The following ZGRF1 variants were observed in gnomAD, a reference collection of about 807,000 sequenced individuals.
ZGRF1 encodes 5'-3' DNA helicase ZGRF1.
In ZGRF1, 196 loss-of-function variants were observed where a neutral mutation model predicts 203.5. That is an observed-to-expected ratio of 0.96 (90% CI 0.86 to 1.08). The LOEUF (loss-of-function observed/expected upper bound fraction) is 1.08, where lower values mean the gene tolerates loss of function less well. Among genes scored for constraint, ZGRF1 ranks in the 50% least tolerant of loss-of-function variants. The pLI, the probability that ZGRF1 is intolerant of heterozygous loss-of-function variation, is 0.00. For missense variants in ZGRF1, 2,326 were observed against 2,416.3 expected (o/e 0.96, Z 0.78); for synonymous variants, 809 against 841.3 (o/e 0.96, Z 0.66).
At chr4:112,548,015 C>T (rs897405897) in intron 23 of ZGRF1, among the ~76,000 whole-genome samples, 2 of 152,048 alleles carry the variant, frequency 1.3e-5, no homozygotes, top group East Asian at 3.9e-4. Context: ...AATCCCTGCT[C>T]ACTGCAGCCT....
chr4:112,572,556 T>G (rs913131136), intron 16 of ZGRF1, among the ~76,000 whole-genome samples: 5 of 152,164 alleles, frequency 3.3e-5, no homozygotes, highest in Non-Finnish European at 7.4e-5. Context: ...GGAACTTAAT[T>G]AAACTATTAG....
Position 112,539,875 on chromosome 4 carries a change from G to A in ZGRF1, c.6160C>T (p.Gln2054Ter). The A allele has an allele frequency of 6.2e-7, 1 of 1,613,700 alleles. No individual in the cohort carries two copies. Residue 2054 changes from glutamine (Q) to a stop codon, truncating the protein, a stop_gained, in exon 27 of 28, where the codon CAA becomes TAA. Coordinates refer to ENST00000505019, the MANE Select transcript of ZGRF1 (RefSeq NM_018392.5). LOFTEE classifies it high-confidence loss of function. ...ATTTTTATTTTACCTTCGCAGTGTTGGATCACTCGTCCCCAAAGTTGATTT... is the reference window on the plus strand; with the variant it reads ...ATTTTTATTTTACCTTCGCAGTGTTAGATCACTCGTCCCCAAAGTTGATTT... ...RKNQLWGRVI[Q>*]HCEGREDGLQ...
rs1333796182 is a variant in ZGRF1 at position 112,586,492 on chromosome 4, A to G, written c.3869T>C (p.Phe1290Ser). The change falls in exon 13 of 28, where the codon TTT (phenylalanine) becomes TCT (serine). Residue 1290 changes from phenylalanine to serine, a missense_variant. By Grantham distance (155) the Phe-to-Ser change is radical. Transcript: ENST00000505019. Reference protein sequence around the residue: ...PQRQIHIPAVFQSPAHYKQTF... With the variant: ...PQRQIHIPAVSQSPAHYKQTF... ...CTGCTTATAATGAGCAGGAGACTGA[A>G]AAACAGCTGGTATGTGAATTTGCCT... is the stretch of plus-strand genomic sequence containing the variant. The G allele has an allele frequency of 1.2e-6, 2 of 1,613,248 alleles. No homozygotes were observed. The highest frequency in any genetic ancestry group is 1.7e-5 in the Admixed American group (1 of 59,908).
intron 16 of ZGRF1, among the ~76,000 whole-genome samples, chr4:112,566,649 GAATTA>G (rs1479149014): frequency 3.9e-5 from 6 of 152,084 alleles, no homozygotes; most frequent in Non-Finnish European, 8.8e-5. Flanking sequence ...CTAAGATGCT[GAATTA>G]GTATGATTGT....
intron 8 of ZGRF1, among the ~76,000 whole-genome samples, chr4:112,607,527 C>T (rs186870034): frequency 1.6e-4 from 24 of 152,338 alleles, no homozygotes; most frequent in Admixed American, 5.9e-4. Context: ...GTTAATTATA[C>T]TTTTAAAAAT....
intron 9 of ZGRF1, 140 bp downstream of exon 9, chr4:112,605,868 G>C: frequency 3.1e-6 from 2 of 640,182 alleles, no homozygotes; most frequent in East Asian, 5.5e-5. Flanking sequence ...AGTTTTTCTT[G>C]TTCTTAAAAC....
intron 24 of ZGRF1, among the ~76,000 whole-genome samples, chr4:112,543,367 G>C (rs182033500): frequency 6.6e-6 from 1 of 151,986 alleles, no homozygotes; most frequent in South Asian, 2.1e-4. Flanking sequence ...TGAAATTCTC[G>C]TAAATGGCAT....
intron 16 of ZGRF1, among the ~76,000 whole-genome samples, chr4:112,577,018 C>G (rs186193444): frequency 2.7e-5 from 4 of 150,244 alleles, no homozygotes; most frequent in African/African-American, 9.8e-5. Context: ...ATGTTAAGGG[C>G]GGCCAAAGAG....
chr4:112,587,076 T>G (rs1486155205), intron 12 of ZGRF1, among the ~76,000 whole-genome samples: 1 of 152,204 alleles, frequency 6.6e-6, no homozygotes, highest in Non-Finnish European at 1.5e-5. Flanking sequence ...CACCAGATAC[T>G]TTCAAATAAA....
chr4:112,622,087 T>C (rs2047080477), intron 4 of ZGRF1, among the ~76,000 whole-genome samples: 1 of 152,154 alleles, frequency 6.6e-6, no homozygotes, highest in Non-Finnish European at 1.5e-5. Flanking sequence ...TATACTAAGA[T>C]ACTGATTCTC....
intron 1 of ZGRF1, among the ~76,000 whole-genome samples, chr4:112,633,962 G>A (rs2047495214): frequency 6.6e-6 from 1 of 152,188 alleles, no homozygotes; most frequent in African/African-American, 2.4e-5. Context: ...CCAGCAGTCT[G>A]TGTTTTAAGA....
chr4:112,597,515 C>T (rs563456550), intron 10 of ZGRF1, among the ~76,000 whole-genome samples: 1 of 151,726 alleles, frequency 6.6e-6, no homozygotes, highest in East Asian at 1.9e-4. Flanking sequence ...GAGAGTGAGA[C>T]CTTGTCTCTA....
At position 112,592,287 on chromosome 4, in the gene ZGRF1, G is replaced by C. The variant is rs965222353; in HGVS notation, c.2977-2413C>G. Among the ~76,000 whole-genome samples, 3 of 151,832 alleles carry C rather than the reference G, an allele frequency of 2.0e-5. No homozygotes were observed. The South Asian group carries it at 6.2e-4, about 32-fold the overall frequency. On this transcript the variant is annotated intron_variant, in intron 10 of 27. Transcript: ENST00000505019. ...TAATTTTTGTGCTTTTAGTAGAGACGGGGTTTCACCATGTTGGCCAGGCTG... is the reference window on the plus strand; with the variant it reads ...TAATTTTTGTGCTTTTAGTAGAGACCGGGTTTCACCATGTTGGCCAGGCTG...
chr4:112,602,285 C>T (rs1404104285), intron 10 of ZGRF1, among the ~76,000 whole-genome samples: 1 of 151,956 alleles, frequency 6.6e-6, no homozygotes, highest in African/African-American at 2.4e-5. Flanking sequence ...AAAAAGGTCC[C>T]AACCTCACTA....
chr4:112,629,249 C>T (rs2047331616), intron 3 of ZGRF1, among the ~76,000 whole-genome samples: 1 of 152,214 alleles, frequency 6.6e-6, no homozygotes, highest in Admixed American at 6.5e-5. Context: ...TACCCTGTAA[C>T]TCCTGAAACA....
intron 3 of ZGRF1, among the ~76,000 whole-genome samples, chr4:112,630,499 C>T (rs762599829): frequency 7.9e-5 from 12 of 151,802 alleles, no homozygotes; most frequent in Non-Finnish European, 1.3e-4. Flanking sequence ...GCCTGGGCGA[C>T]AAGAGCAAAA....
chr4:112,551,202 G>A (rs1739888274), intron 22 of ZGRF1, among the ~76,000 whole-genome samples: 1 of 152,142 alleles, frequency 6.6e-6, no homozygotes, highest in Admixed American at 6.5e-5. Flanking sequence ...TTCAGTACAT[G>A]CTGTATAGAT....
chr4:112,626,410 T>C (rs536175323), intron 3 of ZGRF1, among the ~76,000 whole-genome samples: 1 of 152,302 alleles, frequency 6.6e-6, no homozygotes, highest in Admixed American at 6.5e-5. Context: ...CAAAAGTTCT[T>C]TCCATAGCCA....
intron 5 of ZGRF1, 135 bp from the exon 6 acceptor site, chr4:112,619,825 T>C: frequency 1.1e-6 from 1 of 926,812 alleles, no homozygotes; most frequent in South Asian, 2.0e-5. Flanking sequence ...ATTTAAAGTT[T>C]GTCAAAGTAC....
Sources: allele counts gnomAD v4.1 joint callset (sites outside exome capture counted in the v4.1 genomes callset), GRCh38; gene constraint gnomAD v4.1.1; transcripts MANE v1.5; gene names NCBI Gene and HGNC (gene_info 2026-07-23, HGNC 2026-07-21).